Variants in MRPS6 observed in about 807,000 individuals in gnomAD.
The protein encoded by MRPS6 is small ribosomal subunit protein bS6m.
Under a neutral mutation model 13.1 loss-of-function variants are expected in MRPS6, and 6 were observed. The observed-to-expected ratio is 0.46, with a 90% CI of 0.25 to 0.91. The LOEUF is 0.91. Among genes scored for constraint, MRPS6 ranks in the 40% least tolerant of loss-of-function variants. The probability of loss-of-function intolerance (pLI) is 0.18; values close to 1 mark genes in which losing one functional copy is unlikely to be tolerated. For synonymous variants in MRPS6, 61 were observed against 56.5 expected, an observed-to-expected ratio of 1.08 and a Z score of -0.36; for missense variants, 164 against 155.6, an observed-to-expected ratio of 1.05 and a Z score of -0.29.
At chr21:34,106,581 G>A (rs1291275743) in intron 1 of MRPS6, among the ~76,000 whole-genome samples, 1 of 152,176 alleles carries the variant, frequency 6.6e-6, no homozygotes, top group Non-Finnish European at 1.5e-5. Context: ...CTTCATCCAG[G>A]CTCACCAGGG....
At chr21:34,126,578 A>G (rs1020401578) in intron 2 of MRPS6, among the ~76,000 whole-genome samples, 1 of 152,234 alleles carries the variant, frequency 6.6e-6, no homozygotes, top group Non-Finnish European at 1.5e-5. Flanking sequence ...ACAATGAGGG[A>G]TGGAGAGCAT....
intron 1 of MRPS6, among the ~76,000 whole-genome samples, chr21:34,076,130 A>G (rs1989324760): frequency 6.6e-6 from 1 of 152,190 alleles, no homozygotes; most frequent in South Asian, 2.1e-4. Flanking sequence ...TGTGTTAGGC[A>G]ACTTTAACAG....
chr21:34,102,128 T>C (rs1979264881), intron 1 of MRPS6: 1 of 1,000,164 alleles, frequency 1.0e-6, no homozygotes, highest in Non-Finnish European at 1.2e-6. Context: ...TCACTTAATA[T>C]GGAATGTTTT....
intron 2 of MRPS6, among the ~76,000 whole-genome samples, chr21:34,140,234 T>C (rs1200341656): frequency 1.3e-5 from 2 of 152,160 alleles, no homozygotes; most frequent in African/African-American, 4.8e-5. Flanking sequence ...TTTTTTTTTT[T>C]CTTACCTAGG....
intron 1 of MRPS6, among the ~76,000 whole-genome samples, chr21:34,108,690 T>G (rs938811169): frequency 3.3e-5 from 5 of 152,226 alleles, no homozygotes; most frequent in African/African-American, 1.2e-4. Context: ...TTTGCATGGA[T>G]AGAGTCTTTA....
chr21:34,133,150 G>A (rs555310487), intron 2 of MRPS6, among the ~76,000 whole-genome samples: 6 of 152,202 alleles, frequency 3.9e-5, no homozygotes, highest in Non-Finnish European at 8.8e-5. Context: ...TCTGAAAGCT[G>A]TGAAAGTACT....
chr21:34,076,538 T>C (rs545751306), intron 1 of MRPS6, among the ~76,000 whole-genome samples: 2 of 152,362 alleles, frequency 1.3e-5, no homozygotes, highest in African/African-American at 4.8e-5. Context: ...GTATCTACTT[T>C]TGTACTTCCA....
intron 2 of MRPS6, chr21:34,135,892 G>T: frequency 2.0e-6 from 1 of 511,264 alleles, no homozygotes; most frequent in South Asian, 2.2e-5. Context: ...ATAAGGCCCT[G>T]CATTGTGAGG....
chr21:34,098,432 T>C (rs1979071712), intron 1 of MRPS6: 2 of 1,000,120 alleles, frequency 2.0e-6, no homozygotes, highest in Non-Finnish European at 2.4e-6. Flanking sequence ...AATTCTGATA[T>C]CTTATTGCAT....
intron 1 of MRPS6, among the ~76,000 whole-genome samples, chr21:34,080,971 G>A (rs1013306302): frequency 1.3e-5 from 2 of 152,132 alleles, no homozygotes; most frequent in African/African-American, 2.4e-5. Context: ...TCTTGTTTCC[G>A]TAAAATAATT....
chr21:34,112,688 A>C (rs932319313), intron 1 of MRPS6, among the ~76,000 whole-genome samples: 4 of 152,092 alleles, frequency 2.6e-5, no homozygotes, highest in Non-Finnish European at 4.4e-5. Flanking sequence ...CTATGATTAT[A>C]TATCATTTGA....
intron 1 of MRPS6, chr21:34,099,986 C>T (rs1352310592): frequency 7.3e-6 from 4 of 551,280 alleles, no homozygotes; most frequent in Non-Finnish European, 9.5e-6. Flanking sequence ...AATGATCATA[C>T]ATGGACTGTC....
chr21:34,087,979 G>A (rs750157088), intron 1 of MRPS6, among the ~76,000 whole-genome samples: 17 of 152,222 alleles, frequency 1.1e-4, no homozygotes, highest in Non-Finnish European at 2.1e-4. Context: ...TGAGGATGAA[G>A]TTGCTGTTCT....
chr21:34,103,900 A>G, intron 1 of MRPS6: 1 of 1,000,188 alleles, frequency 1.0e-6, no homozygotes, highest in Non-Finnish European at 1.2e-6. Context: ...CTGGAGAAAT[A>G]GGGACAGATG....
chr21:34,105,017 T>G (rs755895388), intron 1 of MRPS6: 9 of 1,000,160 alleles, frequency 9.0e-6, no homozygotes, highest in Non-Finnish European at 1.1e-5. Flanking sequence ...GATCTCTAAC[T>G]TTTGAGTGGC....
intron 1 of MRPS6, chr21:34,103,459 T>C (rs878861688): frequency 1.2e-5 from 12 of 998,700 alleles, no homozygotes; most frequent in Middle Eastern, 5.2e-4. Flanking sequence ...AAGTTACTTA[T>C]GTTCTGTGAT....
At position 34,073,742 on chromosome 21, in the gene MRPS6, G is replaced by A; in HGVS notation, c.42G>A (p.Gln14=). 6.6e-7 allele frequency: 1 copy of A among 1,526,280 alleles called. No homozygotes were observed. Among genetic ancestry groups the A allele is most frequent in the Non-Finnish European group, 8.8e-7 (1 of 1,132,068 alleles). The allele number at this position is 1,526,280 out of a possible 1,614,324, so 94.5% of individuals were successfully genotyped here. The part of the protein sequence containing the change: ...YELALILKAM[Q]RPETAATLKR... ...TGGCTTTAATCCTGAAAGCCATGCA[G>A]CGGGTAAGTGACCTTCCCTCAGAGC... Residue 14 remains glutamine, a synonymous_variant, in exon 1 of 3, where the codon CAG becomes CAA. Transcript: ENST00000399312.
intron 1 of MRPS6, among the ~76,000 whole-genome samples, chr21:34,118,114 A>G (rs1019020690): frequency 1.3e-5 from 2 of 152,166 alleles, no homozygotes; most frequent in African/African-American, 4.8e-5. Flanking sequence ...GTTTATTCAA[A>G]GAGTTTTTCT....
Position 34,096,963 on chromosome 21 carries a change from G to C in MRPS6, c.45+23218G>C. On this transcript the variant is annotated intron_variant, in intron 1 of 2. Transcript: ENST00000399312. The surrounding 1 kb of genome is among the most constrained non-coding windows in gnomAD (Gnocchi z 5.9). ...GACCATCAACCACATCATTCCCAAC[G>C]GGAAATCTGAAGACAGCATTAAGGG... 1 of 1,614,108 alleles carries C rather than the reference G, an allele frequency of 6.2e-7. No individual in the cohort carries two copies. Among genetic ancestry groups the C allele is most frequent in the Admixed American group, 1.7e-5 (1 of 60,018 alleles).
Sources: allele counts gnomAD v4.1 joint callset (sites outside exome capture counted in the v4.1 genomes callset), GRCh38; gene constraint gnomAD v4.1.1; non-coding constraint Gnocchi (gnomAD v3.1); transcripts MANE v1.5; gene names NCBI Gene and HGNC (gene_info 2026-07-23, HGNC 2026-07-21).